GTF3C1: variants seen among roughly 807,000 people sequenced by gnomAD.
GTF3C1 encodes the protein general transcription factor IIIC subunit 1, also known as general transcription factor 3C polypeptide 1.
GTF3C1 carries 57 observed loss-of-function variants against 226.7 expected under a neutral mutation model. That is an observed-to-expected ratio of 0.25 (90% CI 0.20 to 0.31). The LOEUF (loss-of-function observed/expected upper bound fraction) is 0.31. Ranked by LOEUF, GTF3C1 falls within the 10% of genes least tolerant of loss-of-function variation. The pLI is 1.00. For synonymous variants in GTF3C1, 1,090 were observed against 1,084.8 expected (o/e 1.00, Z -0.09); for missense variants, 2,217 against 2,776.1 (o/e 0.80, Z 4.53).
rs2141349293 is a variant in GTF3C1, at chr16:27,470,683, C to A, written c.4527-288G>T. 1 of 426,400 alleles carries A rather than the reference C, an allele frequency of 2.3e-6. No individual in the cohort carries two copies. The highest frequency in any genetic ancestry group is 4.3e-6 in the Non-Finnish European group (1 of 231,606). 26.4% of individuals were successfully genotyped at this position (426,400 alleles called of 1,614,324 possible). On this transcript the variant is annotated intron_variant, in intron 30 of 36. Transcript: ENST00000356183. The surrounding 1 kb of genome is among the most constrained non-coding windows in gnomAD (Gnocchi z 4.9). ...TCCAGGAGGGCGCTGGCAGGCTCAC[C>A]TTACAGGGGCTCACTGTACACAGCT... is the stretch of plus-strand genomic sequence containing the variant.
chr16:27,479,365 A>C (rs968854011), intron 27 of GTF3C1, among the ~76,000 whole-genome samples: 2 of 152,198 alleles, frequency 1.3e-5, no homozygotes, highest in African/African-American at 4.8e-5. Context: ...TATGTATACC[A>C]AGCAAGTAAA....
chr16:27,492,292 A>G lies in GTF3C1; in HGVS notation c.3151+46T>C. The G allele has an allele frequency of 8.4e-7, 1 of 1,185,224 alleles. No individual in the cohort carries two copies. The highest frequency in any genetic ancestry group is 1.2e-6 in the Non-Finnish European group (1 of 816,036). The allele number at this position is 1,185,224 out of a possible 1,614,324, so 73.4% of individuals were successfully genotyped here. A position where few individuals can be genotyped will look rare whatever the true frequency, so the allele number is the denominator to read the frequency against. The stretch of plus-strand genomic sequence containing the variant: ...GCCCTAAATCCCAGTTAGCACACAG[A>G]AAGGAGCAAAAGCAGCCAGGTTCAG... On this transcript the variant is annotated intron_variant, in intron 19 of 36. Coordinates refer to ENST00000356183, the MANE Select transcript of GTF3C1 (RefSeq NM_001520.4). The surrounding 1 kb of genome is among the most constrained non-coding windows in gnomAD (Gnocchi z 5.0).
At chr16:27,533,506 G>C in intron 4 of GTF3C1, 119 bp from the exon 5 acceptor site, 1 of 634,950 alleles carries the variant, frequency 1.6e-6, no homozygotes, top group Non-Finnish European at 2.9e-6. Flanking sequence ...ATAAATAACA[G>C]AATCTTTTAG....
At position 27,471,066 on chromosome 16, in the gene GTF3C1, G is replaced by A. The variant is rs569857680; in HGVS notation, c.4527-671C>T. 2.0e-5 allele frequency among the ~76,000 whole-genome samples: 3 copies of A among 152,352 alleles called. No individual in the cohort carries two copies. The highest frequency in any genetic ancestry group is 2.1e-4 in the South Asian group (1 of 4,830). On this transcript the variant is annotated intron_variant, in intron 30 of 36. Transcript: ENST00000356183. The surrounding 1 kb of genome is among the most constrained non-coding windows in gnomAD (Gnocchi z 5.0). The stretch of plus-strand genomic sequence containing the variant: ...GTCTGGGGAGGAGGAAGTGTCTGCC[G>A]TCGTGGGGAAGGGATGGGATCAAAG...
At chr16:27,519,959 T>A (rs557815554) in intron 6 of GTF3C1, among the ~76,000 whole-genome samples, 14 of 152,230 alleles carry the variant, frequency 9.2e-5, no homozygotes, top group South Asian at 4.2e-4. Context: ...AACAATTTTT[T>A]AAAAAAATTA....
At chr16:27,541,849 G>A (rs1057172645) in intron 2 of GTF3C1, among the ~76,000 whole-genome samples, 8 of 152,082 alleles carry the variant, frequency 5.3e-5, no homozygotes, top group African/African-American at 1.9e-4. Flanking sequence ...GAGCACACAC[G>A]AACACAACAC....
At chr16:27,488,470 A>C in intron 22 of GTF3C1, 55 bp from the exon 23 acceptor site, 1 of 1,558,594 alleles carries the variant, frequency 6.4e-7, no homozygotes, top group Admixed American at 1.7e-5. Context: ...AAAGGCCAGG[A>C]AGACCAAACC....
rs1055641985 is a variant in GTF3C1 at position 27,465,603 on chromosome 16, C to T, written c.5075-63G>A. On this transcript the variant is annotated intron_variant, in intron 32 of 36. Coordinates refer to ENST00000356183, the MANE Select transcript of GTF3C1 (RefSeq NM_001520.4). ...AGAGGCCCCCCTCCCCTGACCAATG[C>T]ACAGGCCACACCCAGGAAAGGCATG... is the stretch of plus-strand genomic sequence containing the variant. 31 of 1,286,530 alleles carry T rather than the reference C, an allele frequency of 2.4e-5. No homozygotes were observed. In the Admixed American group the frequency reaches 3.6e-4, roughly 15 times the overall value. The allele number at this position is 1,286,530 out of a possible 1,614,324, so 79.7% of individuals were successfully genotyped here.
chr16:27,525,788 A>G (rs1016631496), intron 6 of GTF3C1, among the ~76,000 whole-genome samples: 2 of 152,230 alleles, frequency 1.3e-5, no homozygotes, highest in African/African-American at 4.8e-5. Flanking sequence ...TCAAGCACAC[A>G]GGCTATAAGC....
At chr16:27,534,654 C>G (rs1206524703) in intron 4 of GTF3C1, among the ~76,000 whole-genome samples, 3 of 152,258 alleles carry the variant, frequency 2.0e-5, no homozygotes, top group African/African-American at 7.2e-5. Context: ...TCCTACCCCA[C>G]AGCTGCCACC....
chr16:27,463,127 G>GC lies in GTF3C1; in HGVS notation c.5924+413dup. ...CGCCCCCACCAGAGGGGCTTCTGCG[G>GC]CCCCCTTGCTTCCTGTAACTCTGTG... On this transcript the variant is annotated intron_variant, in intron 35 of 36. Coordinates refer to ENST00000356183, the MANE Select transcript of GTF3C1 (RefSeq NM_001520.4). This position sits in a 1 kb window ranked among gnomAD's most constrained non-coding sequence, Gnocchi z 4.9. The GC allele has an allele frequency of 4.9e-6, 1 of 205,248 alleles. No homozygotes were observed. Among genetic ancestry groups the GC allele is most frequent in the Non-Finnish European group, 9.6e-6 (1 of 103,692 alleles). 12.7% of individuals were successfully genotyped at this position (205,248 alleles called of 1,614,324 possible). A position where few individuals can be genotyped will look rare whatever the true frequency, so the allele number is the denominator to read the frequency against.
chr16:27,542,569 A>G (rs1391329016), intron 2 of GTF3C1, among the ~76,000 whole-genome samples: 1 of 147,374 alleles, frequency 6.8e-6, no homozygotes, highest in Non-Finnish European at 1.5e-5. Flanking sequence ...CTCAAAAAGA[A>G]AAAAAAAAAA....
Position 27,508,320 on chromosome 16 carries a change from G to A in GTF3C1, c.1242+220C>T, listed in dbSNP as rs560081481. On this transcript the variant is annotated intron_variant, in intron 8 of 36. Transcript: ENST00000356183. ...GCCACCATGCCTGGCACTTTTCAAA[G>A]CTGACAAGTCATTCAATTCTTAAAA... 1.1e-3 allele frequency among the ~76,000 whole-genome samples: 171 copies of A among 152,290 alleles called. 1 individual carries two copies. Among genetic ancestry groups the A allele is most frequent in the African/African-American group, 3.9e-3 (164 of 41,568 alleles).
intron 32 of GTF3C1, 48 bp from the exon 33 acceptor site, chr16:27,465,588 C>T (rs759932325): frequency 3.9e-5 from 57 of 1,460,594 alleles, no homozygotes; most frequent in Non-Finnish European, 5.0e-5. Context: ...AGAGGCCCCC[C>T]TCCCCTGACC....
At chr16:27,538,142 A>G in intron 3 of GTF3C1, 38 bp downstream of exon 3, 1 of 1,421,160 alleles carries the variant, frequency 7.0e-7, no homozygotes, top group Non-Finnish European at 9.6e-7. Flanking sequence ...GTGCAATGAC[A>G]TATAATTTAA....
At chr16:27,518,858 C>A (rs947565630) in intron 6 of GTF3C1, among the ~76,000 whole-genome samples, 5 of 152,214 alleles carry the variant, frequency 3.3e-5, no homozygotes, top group African/African-American at 9.7e-5. Context: ...GTAATTCTAA[C>A]AGCATGCCTA....
At chr16:27,467,597 C>T (rs149007631) in intron 32 of GTF3C1, among the ~76,000 whole-genome samples, 2 of 152,318 alleles carry the variant, frequency 1.3e-5, no homozygotes, top group East Asian at 1.9e-4. Flanking sequence ...TGGCCGGACA[C>T]AGTGGCTCAC....
Position 27,507,105 on chromosome 16 carries a change from C to T in GTF3C1, c.1294G>A (p.Val432Met), listed in dbSNP as rs773213449. The change falls in exon 9 of 37, where the codon GTG becomes ATG. Residue 432 changes from valine to methionine, a missense_variant. By Grantham distance (21) the Val-to-Met change is conservative (BLOSUM62 1). Coordinates refer to ENST00000356183, the MANE Select transcript of GTF3C1 (RefSeq NM_001520.4). The surrounding 1 kb of genome is among the most constrained non-coding windows in gnomAD (Gnocchi z 4.9). ...CTTAGGTCGCTCTCCTCTGCAAACACGCAGGAAATGTACTTGGTGGTTCGC... is the reference window on the plus strand; with the variant it reads ...CTTAGGTCGCTCTCCTCTGCAAACATGCAGGAAATGTACTTGGTGGTTCGC... The part of the protein sequence containing the change: ...RQRTTKYISC[V>M]FAEESDLSRQ... 14 of 1,613,396 alleles carry T rather than the reference C, an allele frequency of 8.7e-6. No homozygotes were observed. The highest frequency in any genetic ancestry group is 3.3e-5 in the South Asian group (3 of 91,070).
Position 27,488,217 on chromosome 16 carries a change from A to G in GTF3C1, c.3700+10T>C, listed in dbSNP as rs1162112012. ...CAAGGCCCAGTAAATGAAAATGATC[A>G]CCACATAACCTTTCTTCTTTCTCTT... is the stretch of plus-strand genomic sequence containing the variant. On this transcript the variant is annotated intron_variant, in intron 23 of 36. Transcript: ENST00000356183. 6.2e-7 allele frequency: 1 copy of G among 1,603,938 alleles called. No individual in the cohort carries two copies. The highest frequency in any genetic ancestry group is 1.1e-5 in the South Asian group (1 of 90,042).
Sources: allele counts gnomAD v4.1 joint callset (sites outside exome capture counted in the v4.1 genomes callset), GRCh38; gene constraint gnomAD v4.1.1; non-coding constraint Gnocchi (gnomAD v3.1); transcripts MANE v1.5; gene names NCBI Gene and HGNC (gene_info 2026-07-23, HGNC 2026-07-21).